Variants in CNGB1 observed in about 807,000 individuals in gnomAD.
CNGB1 encodes the protein cyclic nucleotide-gated channel beta-1.
In CNGB1, 126 loss-of-function variants were observed where a neutral mutation model predicts 151.7. The observed-to-expected ratio is 0.83, with a 90% CI of 0.72 to 0.96. The LOEUF (loss-of-function observed/expected upper bound fraction) is 0.96, where lower values mean the gene tolerates loss of function less well. Among genes scored for constraint, CNGB1 ranks in the 40% least tolerant of loss-of-function variants. The pLI is 0.00. For synonymous variants in CNGB1, 623 were observed against 635.1 expected, an observed-to-expected ratio of 0.98 and a Z score of 0.29; for missense variants, 1,698 against 1,627.0, an observed-to-expected ratio of 1.04 and a Z score of -0.75.
chr16:57,908,902 G>C (rs988113298), intron 25 of CNGB1, among the ~76,000 whole-genome samples: 4 of 152,192 alleles, frequency 2.6e-5, no homozygotes, highest in African/African-American at 2.4e-5. Flanking sequence ...CCATCAGCAC[G>C]AGGGCTGAGC....
In CNGB1 at chr16:57,917,278, C is replaced by T; in HGVS notation, c.2156G>A (p.Gly719Glu). The T allele has an allele frequency of 6.2e-7, 1 of 1,613,500 alleles. No individual in the cohort carries two copies. The highest frequency in any genetic ancestry group is 2.2e-5 in the East Asian group (1 of 44,834). Residue 719 changes from glycine to glutamate, a missense_variant, in exon 21 of 33, where the codon GGG becomes GAG. Physicochemically the swap from Gly to Glu is moderately conservative, Grantham distance 98. Coordinates refer to ENST00000251102, the MANE Select transcript of CNGB1 (RefSeq NM_001297.5). ...FQTRLQFVRG[G>E]DIITDKKDMR... ...CTGCCTGTGACTCACAATGATGTCC[C>T]CGCCTCTGACAAACTGCAGGCGTGT...
chr16:57,923,335 C>G lies in CNGB1; in HGVS notation c.1581G>C (p.Ala527=). 6.2e-7 allele frequency: 1 copy of G among 1,612,922 alleles called. No individual in the cohort carries two copies. Among genetic ancestry groups the G allele is most frequent in the Non-Finnish European group, 8.5e-7 (1 of 1,179,508 alleles). Residue 527 remains alanine, a synonymous_variant, in exon 18 of 33, where the codon GCG becomes GCC. Coordinates refer to ENST00000251102, the MANE Select transcript of CNGB1 (RefSeq NM_001297.5). ...SEDDEAEELK[A]LSPAESPVVA... ...CCACTGGGGACTCTGCTGGTGACAA[C>G]GCCTTGAGCTCTTCAGCCTCATCAT...
chr16:57,934,763 C>T (rs1177727518), intron 16 of CNGB1, among the ~76,000 whole-genome samples: 1 of 152,128 alleles, frequency 6.6e-6, no homozygotes. Flanking sequence ...TTGAGGCCAG[C>T]CTGGCCAACA....
chr16:57,967,300 G>A lies in CNGB1; in HGVS notation c.-8-6C>T, dbSNP rs768793678. The stretch of plus-strand genomic sequence containing the variant: ...CCAGCCCAACATCCTGATGCCTGTA[G>A]GAGACAGAGTCCTTAGCCCTCCCTG... On this transcript the variant is annotated splice_region_variant and splice_polypyrimidine_tract_variant and intron_variant, in intron 1 of 32. Coordinates refer to ENST00000251102, the MANE Select transcript of CNGB1 (RefSeq NM_001297.5). The A allele has an allele frequency of 6.2e-6, 10 of 1,614,030 alleles. No individual in the cohort carries two copies. The African/African-American group carries it at 1.3e-4, about 22-fold the overall frequency.
intron 12 of CNGB1, among the ~76,000 whole-genome samples, chr16:57,952,982 C>T (rs1961993091): frequency 6.6e-6 from 1 of 152,190 alleles, no homozygotes; most frequent in Non-Finnish European, 1.5e-5. Context: ...AGGCGTGGTG[C>T]AGGAGCCCCT....
rs767364436 is a variant in CNGB1, at chr16:57,913,014, T to C, written c.2305-20A>G. 6.2e-7 allele frequency: 1 copy of C among 1,613,158 alleles called. No homozygotes were observed. The highest frequency in any genetic ancestry group is 1.1e-5 in the South Asian group (1 of 91,056). On this transcript the variant is annotated intron_variant, in intron 23 of 32. Transcript: ENST00000251102. ...CATGTACTGGAGGGAGAGGAGGGCG[T>C]GAGAGCAGCCCACCGGCCATAGGTA... is the stretch of plus-strand genomic sequence containing the variant.
intron 25 of CNGB1, among the ~76,000 whole-genome samples, chr16:57,906,517 G>C (rs1432423604): frequency 6.6e-6 from 1 of 152,204 alleles, no homozygotes. Context: ...GATAGCTGCG[G>C]GGCCTTGGGC....
intron 27 of CNGB1, among the ~76,000 whole-genome samples, chr16:57,902,228 G>A (rs888945695): frequency 4.6e-5 from 7 of 151,364 alleles, no homozygotes; most frequent in Admixed American, 1.3e-4. Context: ...CCACCACCAC[G>A]CGGGCTAATT....
chr16:57,932,730 G>T (rs1236707165), intron 16 of CNGB1, among the ~76,000 whole-genome samples: 2 of 151,912 alleles, frequency 1.3e-5, no homozygotes, highest in East Asian at 3.9e-4. Flanking sequence ...ACAGGCACCT[G>T]CCACCACGCC....
intron 14 of CNGB1, among the ~76,000 whole-genome samples, chr16:57,941,453 G>T (rs767233127): frequency 2.0e-5 from 3 of 152,192 alleles, no homozygotes; most frequent in South Asian, 4.1e-4. Flanking sequence ...GGAGCCAGCC[G>T]CTTGGCAGCA....
chr16:57,912,810 G>T, intron 24 of CNGB1, 120 bp downstream of exon 24: 2 of 996,956 alleles, frequency 2.0e-6, no homozygotes, highest in Admixed American at 1.9e-5. Flanking sequence ...TTGTGTGTGT[G>T]TTGTGTGTGT....
chr16:57,905,943 G>C (rs1459657233), intron 25 of CNGB1, among the ~76,000 whole-genome samples: 1 of 152,214 alleles, frequency 6.6e-6, no homozygotes, highest in Admixed American at 6.5e-5. Context: ...CAGCTCAAAA[G>C]GCATGAAGAC....
At chr16:57,939,340 G>A (rs1228297823) in intron 16 of CNGB1, 90 bp downstream of exon 16, 32 of 1,568,468 alleles carry the variant, frequency 2.0e-5, no homozygotes, top group Non-Finnish European at 2.6e-5. Flanking sequence ...AGGGAGAGGA[G>A]GAGGGGTTGC....
intron 18 of CNGB1, among the ~76,000 whole-genome samples, chr16:57,921,991 GT>G (rs1961049413): frequency 1.3e-5 from 2 of 152,104 alleles, no homozygotes. Context: ...TCAAGAATAG[GT>G]TTTCTCATTA....
At chr16:57,925,915 T>C (rs147214017) in intron 17 of CNGB1, among the ~76,000 whole-genome samples, 1 of 152,028 alleles carries the variant, frequency 6.6e-6, no homozygotes, top group African/African-American at 2.4e-5. Context: ...CTCGAACTCC[T>C]GACCTCAGGT....
intron 31 of CNGB1, among the ~76,000 whole-genome samples, chr16:57,896,301 C>A (rs987285077): frequency 6.6e-6 from 1 of 152,176 alleles, no homozygotes; most frequent in African/African-American, 2.4e-5. Context: ...GTGCGCCTCT[C>A]GATACATTTG....
intron 12 of CNGB1, among the ~76,000 whole-genome samples, chr16:57,954,498 A>C (rs1172048929): frequency 6.6e-6 from 1 of 152,122 alleles, no homozygotes; most frequent in African/African-American, 2.4e-5. Flanking sequence ...CCATGGCCCA[A>C]ACAAAGACAC....
At chr16:57,936,023 TAAAC>T (rs1360154392) in intron 16 of CNGB1, among the ~76,000 whole-genome samples, 5 of 152,204 alleles carry the variant, frequency 3.3e-5, no homozygotes, top group East Asian at 3.9e-4. Flanking sequence ...CAACCACAAA[TAAAC>T]AAACAAGCCA....
chr16:57,919,118 C>G lies in CNGB1; in HGVS notation c.1938G>C (p.Gln646His). 6.2e-7 allele frequency: 1 copy of G among 1,614,192 alleles called. No individual in the cohort carries two copies. Among genetic ancestry groups the G allele is most frequent in the Non-Finnish European group, 8.5e-7 (1 of 1,180,038 alleles). Residue 646 changes from glutamine to histidine, a missense_variant, in exon 20 of 33, where the codon CAG (glutamine) becomes CAC (histidine). By Grantham distance (24) the Gln-to-His change is conservative. Coordinates refer to ENST00000251102, the MANE Select transcript of CNGB1 (RefSeq NM_001297.5). Reference protein sequence around the residue: ...HRPWKKYQFPQSIDPLTNLMY... With the variant: ...HRPWKKYQFPHSIDPLTNLMY... ...ACTCACTGGTCAGCGGGTCAATGCTCTGGGGAAACTGGTACTTCTTCCAGG... is the reference window on the plus strand; with the variant it reads ...ACTCACTGGTCAGCGGGTCAATGCTGTGGGGAAACTGGTACTTCTTCCAGG...
Sources: allele counts gnomAD v4.1 joint callset (sites outside exome capture counted in the v4.1 genomes callset), GRCh38; gene constraint gnomAD v4.1.1; transcripts MANE v1.5; gene names NCBI Gene and HGNC (gene_info 2026-07-23, HGNC 2026-07-21).